PANX1: variants seen among roughly 807,000 people sequenced by gnomAD.
PANX1 encodes the protein pannexin 1.
A neutral mutation model predicts 38.7 loss-of-function variants in PANX1; 30 were observed. That is an observed-to-expected ratio of 0.78 (90% confidence interval 0.58 to 1.05). PANX1 has a LOEUF of 1.05. PANX1 is among the 50% of genes least tolerant of loss of function. The probability of loss-of-function intolerance (pLI) is 0.00; values close to 1 mark genes in which losing one functional copy is unlikely to be tolerated. For synonymous variants in PANX1, 230 were observed against 212.2 expected (o/e 1.08, Z -0.73); for missense variants, 551 against 517.2 (o/e 1.07, Z -0.63).
chr11:94,176,916 C>G (rs1947241048), intron 2 of PANX1, among the ~76,000 whole-genome samples: 1 of 151,664 alleles, frequency 6.6e-6, no homozygotes, highest in Non-Finnish European at 1.5e-5. Flanking sequence ...TATAGAGTCC[C>G]TGCCAGGGTT....
intron 2 of PANX1, among the ~76,000 whole-genome samples, chr11:94,160,927 C>G (rs548459642): frequency 6.6e-6 from 1 of 152,158 alleles, no homozygotes; most frequent in African/African-American, 2.4e-5. Context: ...CTGGTGGTGA[C>G]AAAATCTCTC....
Position 94,181,756 on chromosome 11 carries a change from CT to C in PANX1, c.*888del, listed in dbSNP as rs1454910823. 6.6e-6 allele frequency: 1 copy of C among 152,134 alleles called. No homozygotes were observed. Among genetic ancestry groups the C allele is most frequent in the Non-Finnish European group, 1.5e-5 (1 of 68,034 alleles). 9.4% of individuals were successfully genotyped at this position (152,134 alleles called of 1,614,324 possible). A position where few individuals can be genotyped will look rare whatever the true frequency, so the allele number is the denominator to read the frequency against. ...GTATTTAAAGTGAAGAACACTTTGC[CT>C]GAATGTGATCAGGGCACATAAGTGA... On this transcript the variant is annotated 3_prime_UTR_variant, in exon 5 of 5. Coordinates refer to ENST00000227638, the MANE Select transcript of PANX1 (RefSeq NM_015368.4).
chr11:94,180,456 T>G (rs1474929547), intron 4 of PANX1, among the ~76,000 whole-genome samples, 199 bp downstream of exon 4: 1 of 152,222 alleles, frequency 6.6e-6, no homozygotes, highest in Non-Finnish European at 1.5e-5. Flanking sequence ...GGTGCTGCTC[T>G]ACATTTCCAA....
At chr11:94,134,922 G>A (rs72970708) in intron 1 of PANX1, among the ~76,000 whole-genome samples, 3,063 of 152,258 alleles carry the variant, frequency 0.02, 112 homozygotes, top group East Asian at 0.13. Flanking sequence ...ACAGCAGCCT[G>A]GTTGAAGACA....
At chr11:94,136,988 C>T (rs551982664) in intron 1 of PANX1, among the ~76,000 whole-genome samples, 1 of 151,632 alleles carries the variant, frequency 6.6e-6, no homozygotes, top group Admixed American at 6.6e-5. Flanking sequence ...TCTTATATGG[C>T]AGGAGCAGGA....
intron 2 of PANX1, among the ~76,000 whole-genome samples, chr11:94,167,674 G>A (rs1308823078): frequency 6.6e-6 from 1 of 152,204 alleles, no homozygotes; most frequent in Non-Finnish European, 1.5e-5. Flanking sequence ...AGAACTGACT[G>A]AAAACTGCAC....
chr11:94,154,245 C>A (rs1946920644), intron 2 of PANX1, among the ~76,000 whole-genome samples: 1 of 152,184 alleles, frequency 6.6e-6, no homozygotes, highest in African/African-American at 2.4e-5. Context: ...GGTTCCACTC[C>A]ACTTCCCATA....
intron 1 of PANX1, among the ~76,000 whole-genome samples, chr11:94,145,792 T>C (rs1946822520): frequency 6.6e-6 from 1 of 152,204 alleles, no homozygotes; most frequent in African/African-American, 2.4e-5. Context: ...AGTAAATGAA[T>C]AACTATAGAT....
At chr11:94,178,667 C>G in intron 3 of PANX1, 75 bp downstream of exon 3, 1 of 1,154,202 alleles carries the variant, frequency 8.7e-7, no homozygotes. Flanking sequence ...CAGTCTGGGC[C>G]CAGAGTTCTC....
chr11:94,173,186 A>G (rs1040277075), intron 2 of PANX1, among the ~76,000 whole-genome samples: 1 of 151,636 alleles, frequency 6.6e-6, no homozygotes, highest in Admixed American at 6.5e-5. Flanking sequence ...TGGTTTACCT[A>G]CTTCCTACTT....
At chr11:94,143,755 T>G (rs1946792549) in intron 1 of PANX1, among the ~76,000 whole-genome samples, 1 of 152,044 alleles carries the variant, frequency 6.6e-6, no homozygotes, top group South Asian at 2.1e-4. Flanking sequence ...ATCTTTTTTT[T>G]TTTTTCTTTT....
In PANX1 at chr11:94,129,265, A is replaced by G; in HGVS notation, c.-48A>G. ...GTGAAGGCGCCGCGCAGCTTTCCCG[A>G]CGCCGGCTGTACCCGGACCTCCTGG... On this transcript the variant is annotated 5_prime_UTR_variant, in exon 1 of 5. Coordinates refer to ENST00000227638, the MANE Select transcript of PANX1 (RefSeq NM_015368.4). The G allele has an allele frequency of 2.6e-6, 4 of 1,533,188 alleles. No individual in the cohort carries two copies. Among genetic ancestry groups the G allele is most frequent in the Non-Finnish European group, 3.6e-6 (4 of 1,126,500 alleles). The allele number at this position is 1,533,188 out of a possible 1,614,324, so 95.0% of individuals were successfully genotyped here.
Position 94,129,323 on chromosome 11 carries a change from C to T in PANX1, c.11C>T (p.Ala4Val), listed in dbSNP as rs1215723059. The change falls in exon 1 of 5, where the codon GCT becomes GTT. Residue 4 changes from alanine (A) to valine (V), a missense_variant. By Grantham distance (64) the Ala-to-Val change is moderately conservative (BLOSUM62 0). Transcript: ENST00000227638. ...TGGCGCGCCGCAGCCATGGCCATCG[C>T]TCAACTGGCCACGGAGTACGTGTTC... is the stretch of plus-strand genomic sequence containing the variant. Reference protein sequence around the residue: MAIAQLATEYVFSD... With the variant: MAIVQLATEYVFSD... 6.2e-7 allele frequency: 1 copy of T among 1,610,300 alleles called. No individual in the cohort carries two copies. Among genetic ancestry groups the T allele is most frequent in the South Asian group, 1.1e-5 (1 of 90,850 alleles).
In PANX1 at chr11:94,145,849, A is replaced by T. The variant is rs74500385; in HGVS notation, c.182-7642A>T. Among the ~76,000 whole-genome samples, 407 of 152,348 alleles carry T rather than the reference A, an allele frequency of 2.7e-3. 1 individual carries two copies. Among genetic ancestry groups the T allele is most frequent in the African/African-American group, 9.0e-3 (373 of 41,582 alleles). On this transcript the variant is annotated intron_variant, in intron 1 of 4. Coordinates refer to ENST00000227638, the MANE Select transcript of PANX1 (RefSeq NM_015368.4). ...CACTGTGAAAGAAGAAAGAACAAAC[A>T]TGGGATGGGGGAAGATGAAGAAGAA...
rs75173659 is a variant in PANX1 at position 94,130,389 on chromosome 11, G to C, written c.181+896G>C. 2.5e-4 allele frequency among the ~76,000 whole-genome samples: 38 copies of C among 152,316 alleles called. 1 individual carries two copies. In the East Asian group the frequency reaches 7.1e-3, roughly 29 times the overall value. On this transcript the variant is annotated intron_variant, in intron 1 of 4. Transcript: ENST00000227638. ...TGGCAGAGAATGTTATATGTTCCTG[G>C]AAAGAGAGACACAGTGACTCTCCTA...
At chr11:94,162,198 C>G (rs1468371211) in intron 2 of PANX1, among the ~76,000 whole-genome samples, 1 of 152,218 alleles carries the variant, frequency 6.6e-6, no homozygotes, top group African/African-American at 2.4e-5. Flanking sequence ...TCTGTCCATT[C>G]TCAGACCTCC....
At chr11:94,149,040 G>A (rs1946856067) in intron 1 of PANX1, among the ~76,000 whole-genome samples, 1 of 152,148 alleles carries the variant, frequency 6.6e-6, no homozygotes, top group Admixed American at 6.5e-5. Flanking sequence ...TAAAATAGGG[G>A]TGAAAGTACA....
chr11:94,146,019 T>G (rs1946825392), intron 1 of PANX1, among the ~76,000 whole-genome samples: 1 of 152,174 alleles, frequency 6.6e-6, no homozygotes, highest in Admixed American at 6.5e-5. Flanking sequence ...AATAATGGTT[T>G]TAAAATTTCT....
rs1427829196 is a variant in PANX1 at position 94,178,579 on chromosome 11, A to T, written c.532A>T (p.Asn178Tyr). The change falls in exon 3 of 5, where the codon AAC becomes TAC. Residue 178 changes from asparagine to tyrosine, a missense_variant. Transcript: ENST00000227638. ...GACSVPGVTENLGQSLWEVSE... is the reference protein window; with the variant it reads ...GACSVPGVTEYLGQSLWEVSE... ...CTGCTCAGTTCCAGGTGTTACCGAG[A>T]ACTTAGGGCAAAGGTAACTTAGCCC... 1 of 1,613,564 alleles carries T rather than the reference A, an allele frequency of 6.2e-7. No individual in the cohort carries two copies. The highest frequency in any genetic ancestry group is 8.5e-7 in the Non-Finnish European group (1 of 1,179,606).
Sources: gnomAD v4.1 joint callset for allele counts (sites outside exome capture counted in the v4.1 genomes callset) on GRCh38, gnomAD v4.1.1 for gene constraint, MANE v1.5 for transcripts, NCBI Gene and HGNC (gene_info 2026-07-23, HGNC 2026-07-21) for gene names.